RAB6A: variants seen among roughly 807,000 people sequenced by gnomAD.
RAB6A encodes RAB6A, member RAS oncogene family.
RAB6A carries 8 observed loss-of-function variants against 32.3 expected under a neutral mutation model. The ratio of observed to expected loss-of-function variants is 0.25; its 90% CI spans 0.15 to 0.45. The LOEUF (loss-of-function observed/expected upper bound fraction) is 0.45, where lower values mean the gene tolerates loss of function less well. Ranked by LOEUF, RAB6A falls within the 20% of genes least tolerant of loss-of-function variation. The pLI, the probability that RAB6A is intolerant of heterozygous loss-of-function variation, is 1.00. For missense variants in RAB6A, 104 were observed against 249.4 expected, an observed-to-expected ratio of 0.42 and a Z score of 3.93; for synonymous variants, 73 against 82.1, an observed-to-expected ratio of 0.89 and a Z score of 0.60.
chr11:73,749,591 C>A (rs1946643297), intron 1 of RAB6A, among the ~76,000 whole-genome samples: 2 of 152,170 alleles, frequency 1.3e-5, no homozygotes, highest in East Asian at 1.9e-4. Context: ...TGACTGTAAT[C>A]TCAGCCTTTT....
intron 6 of RAB6A, 45 bp from the exon 7 acceptor site, chr11:73,679,765 C>T: frequency 1.2e-6 from 2 of 1,608,686 alleles, no homozygotes; most frequent in Non-Finnish European, 1.7e-6. Context: ...GAACATTTAG[C>T]AAAGGGTACT....
intron 1 of RAB6A, among the ~76,000 whole-genome samples, chr11:73,742,673 T>G (rs1460575763): frequency 6.6e-6 from 1 of 151,922 alleles, no homozygotes; most frequent in Non-Finnish European, 1.5e-5. Flanking sequence ...TAGCTGGGCG[T>G]GGTAGCACAT....
intron 3 of RAB6A, among the ~76,000 whole-genome samples, chr11:73,719,189 T>A (rs965828006): frequency 3.9e-5 from 6 of 152,178 alleles, no homozygotes; most frequent in African/African-American, 1.4e-4. Context: ...TGAATCCCTA[T>A]GCCTTTCAAG....
intron 6 of RAB6A, among the ~76,000 whole-genome samples, chr11:73,697,782 G>A (rs1478349229): frequency 6.6e-6 from 1 of 152,138 alleles, no homozygotes; most frequent in African/African-American, 2.4e-5. Flanking sequence ...TGTATCCCCA[G>A]TGCCTATAAC....
chr11:73,716,662 G>C (rs1219740346), intron 4 of RAB6A, among the ~76,000 whole-genome samples: 1 of 151,948 alleles, frequency 6.6e-6, no homozygotes, highest in Non-Finnish European at 1.5e-5. Flanking sequence ...TGAAATATAA[G>C]GACAGCTATG....
intron 6 of RAB6A, among the ~76,000 whole-genome samples, chr11:73,697,402 C>T (rs1019138178): frequency 3.3e-5 from 5 of 151,928 alleles, no homozygotes; most frequent in African/African-American, 1.2e-4. Flanking sequence ...ATGGTCTCGG[C>T]TCACTGCAAC....
chr11:73,740,107 T>C (rs1023213558), intron 1 of RAB6A, among the ~76,000 whole-genome samples: 2 of 151,860 alleles, frequency 1.3e-5, no homozygotes, highest in Non-Finnish European at 1.5e-5. Context: ...GTCTACAATC[T>C]ATAACTATGA....
intron 1 of RAB6A, among the ~76,000 whole-genome samples, chr11:73,747,311 T>C (rs1369470471): frequency 1.3e-5 from 2 of 151,854 alleles, no homozygotes; most frequent in Admixed American, 1.3e-4. Flanking sequence ...GTTCAAGCAA[T>C]TCTCCTGCCT....
In RAB6A at chr11:73,760,234, G is replaced by A. The variant is rs909675812; in HGVS notation, c.70+332C>T. 9 of 766,886 alleles carry A rather than the reference G, an allele frequency of 1.2e-5. No homozygotes were observed. In the African/African-American group the frequency reaches 1.4e-4, roughly 12 times the overall value. The allele number at this position is 766,886 out of a possible 1,614,324, so 47.5% of individuals were successfully genotyped here. On this transcript the variant is annotated intron_variant, in intron 1 of 7. Coordinates refer to ENST00000336083, the MANE Select transcript of RAB6A (RefSeq NM_198896.2). ...GGTGGGGCTCAAGAAAGGGGGCCGG[G>A]GTACGGGCAATGACCGAGACCGGAG... is the stretch of plus-strand genomic sequence containing the variant.
intron 6 of RAB6A, among the ~76,000 whole-genome samples, chr11:73,692,146 A>G (rs1945576574): frequency 6.6e-6 from 1 of 152,086 alleles, no homozygotes. Context: ...TTTTCATATC[A>G]AGTCAAAGAA....
chr11:73,730,546 A>G (rs927752458), intron 2 of RAB6A: 16 of 477,194 alleles, frequency 3.4e-5, no homozygotes, highest in Non-Finnish European at 4.8e-5. Flanking sequence ...TATTGGAGAT[A>G]TATTTCAACA....
chr11:73,706,243 T>C (rs4944857), intron 6 of RAB6A, among the ~76,000 whole-genome samples: 137,496 of 152,016 alleles, frequency 0.9, 62,474 homozygotes, highest in East Asian at 1. Flanking sequence ...AGGCCGGGCG[T>C]GGTGGCTCAC....
At chr11:73,694,843 A>G (rs7942515) in intron 6 of RAB6A, among the ~76,000 whole-genome samples, 137,664 of 152,180 alleles carry the variant, frequency 0.9, 62,561 homozygotes, top group East Asian at 1. Flanking sequence ...GCAAAACTCT[A>G]TCTTTACCAA....
chr11:73,697,064 C>CCCCTT (rs1434973341), intron 6 of RAB6A, among the ~76,000 whole-genome samples: 1 of 152,068 alleles, frequency 6.6e-6, no homozygotes, highest in Non-Finnish European at 1.5e-5. Context: ...TTATCATATG[C>CCCCTT]CCCTTCCTTC....
intron 6 of RAB6A, among the ~76,000 whole-genome samples, chr11:73,695,179 C>A (rs1252663295): frequency 2.0e-5 from 3 of 151,666 alleles, no homozygotes; most frequent in African/African-American, 7.3e-5. Context: ...CCAAAGTGGG[C>A]CAAAAAAACT....
chr11:73,714,319 A>G (rs534211531), intron 5 of RAB6A, among the ~76,000 whole-genome samples: 72 of 151,750 alleles, frequency 4.7e-4, no homozygotes, highest in Non-Finnish European at 8.7e-4. Flanking sequence ...TCCTCCTCAG[A>G]TAACTCTGGC....
At chr11:73,722,073 G>A (rs542184860) in intron 2 of RAB6A, among the ~76,000 whole-genome samples, 1 of 140,738 alleles carries the variant, frequency 7.1e-6, no homozygotes, top group African/African-American at 2.5e-5. Flanking sequence ...AGTTTCCTGA[G>A]GCCTCCCCAG....
At chr11:73,759,966 T>C in intron 1 of RAB6A, 1 of 1,160,494 alleles carries the variant, frequency 8.6e-7, no homozygotes. Context: ...CGTCTCCAAT[T>C]CAGATGTTTC....
intron 1 of RAB6A, among the ~76,000 whole-genome samples, chr11:73,734,054 A>AG (rs1946357372): frequency 1.3e-5 from 2 of 152,122 alleles, no homozygotes; most frequent in African/African-American, 4.8e-5. Context: ...TACTGTGACA[A>AG]GAAGGGCACT....
Sources: allele counts gnomAD v4.1 joint callset (sites outside exome capture counted in the v4.1 genomes callset), GRCh38; gene constraint gnomAD v4.1.1; transcripts MANE v1.5; gene names NCBI Gene and HGNC (gene_info 2026-07-23, HGNC 2026-07-21).